The following ZBTB20 variants were observed in gnomAD, a reference collection of about 807,000 sequenced individuals.
The protein encoded by ZBTB20 is zinc finger and BTB domain containing 20.
ZBTB20 carries 9 observed loss-of-function variants against 56.9 expected under a neutral mutation model. The observed-to-expected ratio is 0.16, with a 90% CI of 0.10 to 0.28. The LOEUF is 0.28. ZBTB20 is among the 10% of genes least tolerant of loss of function. The probability of loss-of-function intolerance (pLI) is 1.00; values close to 1 mark genes in which losing one functional copy is unlikely to be tolerated. For synonymous variants in ZBTB20, 417 were observed against 420.7 expected, an observed-to-expected ratio of 0.99 and a Z score of 0.11; for missense variants, 655 against 1,003.0, an observed-to-expected ratio of 0.65 and a Z score of 4.69.
At chr3:115,118,707 T>A (rs2084093325) in intron 1 of ZBTB20, among the ~76,000 whole-genome samples, 1 of 127,096 alleles carries the variant, frequency 7.9e-6, no homozygotes, top group South Asian at 2.9e-4. Context: ...GTACAAATTT[T>A]TTTTTTTTTT....
chr3:114,843,152 G>A (rs1037699169), intron 4 of ZBTB20, among the ~76,000 whole-genome samples: 1 of 152,134 alleles, frequency 6.6e-6, no homozygotes, highest in African/African-American at 2.4e-5. Flanking sequence ...GCAGAACTGT[G>A]AGTCAATTAA....
intron 1 of ZBTB20, among the ~76,000 whole-genome samples, chr3:115,140,367 A>G (rs1316309702): frequency 6.6e-6 from 1 of 152,120 alleles, no homozygotes; most frequent in African/African-American, 2.4e-5. Context: ...ACTTAATTTT[A>G]TATTCCTAAG....
At chr3:114,471,619 A>G (rs139307211) in intron 7 of ZBTB20, among the ~76,000 whole-genome samples, 1 of 152,252 alleles carries the variant, frequency 6.6e-6, no homozygotes, top group East Asian at 1.9e-4. Context: ...CGACTGAGAG[A>G]ATATGTAGAG....
intron 6 of ZBTB20, among the ~76,000 whole-genome samples, chr3:114,500,880 C>A (rs933173088): frequency 1.8e-4 from 28 of 152,128 alleles, no homozygotes; most frequent in Admixed American, 6.6e-5. Flanking sequence ...GAAAATGTTT[C>A]TATTATTGTA....
intron 4 of ZBTB20, among the ~76,000 whole-genome samples, chr3:114,823,932 C>T (rs1250424061): frequency 6.6e-6 from 1 of 151,918 alleles, no homozygotes; most frequent in East Asian, 1.9e-4. Flanking sequence ...TTTTGAATTA[C>T]ATAAGCACAA....
intron 3 of ZBTB20, among the ~76,000 whole-genome samples, chr3:114,920,718 A>G (rs1372717557): frequency 6.6e-6 from 1 of 152,146 alleles, no homozygotes; most frequent in Non-Finnish European, 1.5e-5. Context: ...AAGTGCACAA[A>G]GTCAGCAGTA....
At chr3:114,662,951 T>C (rs2060825868) in intron 6 of ZBTB20, among the ~76,000 whole-genome samples, 1 of 151,520 alleles carries the variant, frequency 6.6e-6, no homozygotes, top group Admixed American at 6.6e-5. Context: ...GGAACCAAGT[T>C]GGAAAACACT....
Position 114,351,516 on chromosome 3 carries a change from C to G in ZBTB20, c.562G>C (p.Glu188Gln), listed in dbSNP as rs1250271595. ...SILQIKTVID[E>Q]CTRIVSQNVG... ...TTCTGTGACACGATGCGCGTGCACT[C>G]GTCGATGACTGTTTTGATCTGCAGG... Residue 188 changes from glutamate to glutamine, a missense_variant, in exon 11 of 12, where the codon GAG (glutamate) becomes CAG (glutamine). Glu to Gln is a conservative substitution (Grantham distance 29). Around this residue, in one of 10 missense-constraint regions of ZBTB20, gnomAD observed 167 missense variants for 281.9 expected, o/e 0.59. Transcript: ENST00000675478. 2 of 1,613,866 alleles carry G rather than the reference C, an allele frequency of 1.2e-6. No homozygotes were observed. Among genetic ancestry groups the G allele is most frequent in the Non-Finnish European group, 1.7e-6 (2 of 1,180,032 alleles).
intron 3 of ZBTB20, among the ~76,000 whole-genome samples, chr3:114,925,979 T>A (rs1375987287): frequency 6.6e-6 from 1 of 152,190 alleles, no homozygotes; most frequent in Non-Finnish European, 1.5e-5. Flanking sequence ...ATTGAAAAAT[T>A]TGTGCTTTTT....
At chr3:114,898,528 G>A (rs1560376093) in intron 4 of ZBTB20, among the ~76,000 whole-genome samples, 1 of 152,044 alleles carries the variant, frequency 6.6e-6, no homozygotes, top group Non-Finnish European at 1.5e-5. Flanking sequence ...TATCTAAACT[G>A]TATAACAAGT....
chr3:114,477,962 C>CCTCTCT (rs144916161), intron 7 of ZBTB20, among the ~76,000 whole-genome samples: 6 of 111,964 alleles, frequency 5.4e-5, no homozygotes, highest in Non-Finnish European at 8.9e-5. Flanking sequence ...TCCCACCCTC[C>CCTCTCT]CTCTCTCTCT....
At chr3:114,839,420 A>AAAGAAAGG (rs2074270476) in intron 4 of ZBTB20, among the ~76,000 whole-genome samples, 1 of 149,186 alleles carries the variant, frequency 6.7e-6, no homozygotes, top group Non-Finnish European at 1.5e-5. Context: ...AGAAAGAAAG[A>AAAGAAAGG]AAGAAAGAAA....
At chr3:114,747,038 ACT>A (rs1419356556) in intron 5 of ZBTB20, among the ~76,000 whole-genome samples, 1 of 152,124 alleles carries the variant, frequency 6.6e-6, no homozygotes, top group African/African-American at 2.4e-5. Flanking sequence ...TTTGATAATA[ACT>A]CTCTGTGAAT....
intron 10 of ZBTB20, among the ~76,000 whole-genome samples, chr3:114,355,597 G>A (rs1292631668): frequency 1.3e-5 from 2 of 152,124 alleles, no homozygotes; most frequent in Non-Finnish European, 2.9e-5. Context: ...AAAAGTTTCT[G>A]CCACAGCAAG....
intron 6 of ZBTB20, among the ~76,000 whole-genome samples, chr3:114,619,615 A>C (rs2058180058): frequency 6.6e-6 from 1 of 152,136 alleles, no homozygotes; most frequent in Non-Finnish European, 1.5e-5. Context: ...AGCAAATGGT[A>C]CTTTAGAGGC....
At chr3:115,145,269 A>G (rs924024415) in intron 1 of ZBTB20, among the ~76,000 whole-genome samples, 3 of 152,218 alleles carry the variant, frequency 2.0e-5, no homozygotes, top group Non-Finnish European at 2.9e-5. Context: ...CTTTCACTAG[A>G]AAAATACAGA....
At chr3:114,787,005 G>A (rs2070543179) in intron 5 of ZBTB20, among the ~76,000 whole-genome samples, 1 of 151,892 alleles carries the variant, frequency 6.6e-6, no homozygotes, top group Non-Finnish European at 1.5e-5. Flanking sequence ...TTTAAAGACA[G>A]GGTCTCACTC....
intron 5 of ZBTB20, among the ~76,000 whole-genome samples, chr3:114,795,600 C>T (rs2071290795): frequency 6.6e-6 from 1 of 152,052 alleles, no homozygotes; most frequent in South Asian, 2.1e-4. Flanking sequence ...TTCTGTCCTT[C>T]AATGTTCAAA....
Position 114,338,651 on chromosome 3 carries a change from AT to A in ZBTB20, c.*353del, listed in dbSNP as rs200878565. The A allele has an allele frequency of 0.12, 18,859 of 154,384 alleles. 959 individuals carry two copies. Among genetic ancestry groups the A allele is most frequent in the Non-Finnish European group, 0.17 (12,032 of 72,802 alleles). 9.6% of individuals were successfully genotyped at this position (154,384 alleles called of 1,614,324 possible). The stretch of plus-strand genomic sequence containing the variant: ...TTTGTAGTGCTCTTCACAAGTGGAA[AT>A]TTTTTTTTTTTTTTTACTTTTTTTT... On this transcript the variant is annotated 3_prime_UTR_variant, in exon 12 of 12. Coordinates refer to ENST00000675478, the MANE Select transcript of ZBTB20 (RefSeq NM_001348800.3).
Sources: gnomAD v4.1 joint callset for allele counts (sites outside exome capture counted in the v4.1 genomes callset) on GRCh38, gnomAD v4.1.1 for gene constraint, gnomAD v4.1.1 regional missense constraint, MANE v1.5 for transcripts, NCBI Gene and HGNC (gene_info 2026-07-23, HGNC 2026-07-21) for gene names.